RGS17: variants seen among roughly 807,000 people sequenced by gnomAD.
RGS17 encodes regulator of G-protein signaling 17.
Under a neutral mutation model 25.5 loss-of-function variants are expected in RGS17, and 12 were observed. The observed-to-expected ratio is 0.47, with a 90% CI of 0.30 to 0.76. The LOEUF (loss-of-function observed/expected upper bound fraction) is 0.76. Among genes scored for constraint, RGS17 ranks in the 30% least tolerant of loss-of-function variants. The pLI, the probability that RGS17 is intolerant of heterozygous loss-of-function variation, is 0.07. For synonymous variants in RGS17, 71 were observed against 76.9 expected (o/e 0.92, Z 0.40); for missense variants, 196 against 242.2 (o/e 0.81, Z 1.27).
intron 2 of RGS17, among the ~76,000 whole-genome samples, chr6:153,029,109 T>C (rs1442999919): frequency 1.3e-5 from 2 of 152,214 alleles, no homozygotes; most frequent in Non-Finnish European, 2.9e-5. Context: ...CTACAGGTGG[T>C]AAAATATGGA....
intron 1 of RGS17, among the ~76,000 whole-genome samples, chr6:153,121,690 C>T (rs1777634058): frequency 6.6e-6 from 1 of 152,144 alleles, no homozygotes; most frequent in Non-Finnish European, 1.5e-5. Context: ...AAGGTCTTTA[C>T]ATCACAAAGA....
Position 153,058,198 on chromosome 6 carries a change from G to A in RGS17, c.-25-14155C>T, listed in dbSNP as rs529882241. Among the ~76,000 whole-genome samples, 5 of 152,320 alleles carry A rather than the reference G, an allele frequency of 3.3e-5. No homozygotes were observed. In the South Asian group the frequency reaches 1.0e-3, roughly 32 times the overall value. ...GTGGTAGCTCTTTCAAGGTAACACT[G>A]AGGAGAGTTGTTCATAATGTTGCCA... On this transcript the variant is annotated intron_variant, in intron 1 of 4. Coordinates refer to ENST00000206262, the MANE Select transcript of RGS17 (RefSeq NM_012419.5).
At chr6:153,123,440 T>A (rs1033568560) in intron 1 of RGS17, among the ~76,000 whole-genome samples, 3 of 152,188 alleles carry the variant, frequency 2.0e-5, no homozygotes, top group Admixed American at 2.0e-4. Flanking sequence ...CTTAGATATA[T>A]TAACTATCTA....
intron 1 of RGS17, among the ~76,000 whole-genome samples, chr6:153,077,754 T>C (rs1259032538): frequency 6.6e-6 from 1 of 152,210 alleles, no homozygotes; most frequent in Non-Finnish European, 1.5e-5. Context: ...TATGATGAAA[T>C]TAAATTTATT....
At chr6:153,098,224 T>C (rs1777246227) in intron 1 of RGS17, among the ~76,000 whole-genome samples, 1 of 152,066 alleles carries the variant, frequency 6.6e-6, no homozygotes, top group Non-Finnish European at 1.5e-5. Flanking sequence ...TTTCAGGTAT[T>C]GGAGTATGGA....
intron 1 of RGS17, among the ~76,000 whole-genome samples, chr6:153,123,983 A>G (rs768470332): frequency 2.6e-5 from 4 of 152,208 alleles, no homozygotes; most frequent in Non-Finnish European, 5.9e-5. Flanking sequence ...TTCTGATACT[A>G]TGGTGGAGGT....
At position 153,024,494 on chromosome 6, in the gene RGS17, T is replaced by C. The variant is rs1475176825; in HGVS notation, c.212A>G (p.Gln71Arg). Residue 71 changes from glutamine (Q) to arginine (R), a missense_variant and splice_region_variant, in exon 4 of 5, where the codon CAA becomes CGA. Around this residue, in one of 2 missense-constraint regions of RGS17, gnomAD observed 179 missense variants for 197.6 expected, o/e 0.91. Coordinates refer to ENST00000206262, the MANE Select transcript of RGS17 (RefSeq NM_012419.5). Reference sequence around the variant, plus strand: ...CAAGACTTCCTCTGCAGTGGGGTTTTGGCTGCAGAGACAGAACGGGGCCGT... The same window carrying C: ...CAAGACTTCCTCTGCAGTGGGGTTTCGGCTGCAGAGACAGAACGGGGCCGT... ...MESIQVLEEC[Q>R]NPTAEEVLSW... 1.9e-6 allele frequency: 3 copies of C among 1,612,066 alleles called. No homozygotes were observed. Among genetic ancestry groups the C allele is most frequent in the Non-Finnish European group, 1.7e-6 (2 of 1,178,152 alleles).
rs540500631 is a variant in RGS17 at position 153,092,561 on chromosome 6, A to G, written c.-26+38563T>C. The stretch of plus-strand genomic sequence containing the variant: ...TCTTTACTCATTCTGCCTTTTGGAT[A>G]AAACATGTACAATTATATATGGCTT... On this transcript the variant is annotated intron_variant, in intron 1 of 4. Transcript: ENST00000206262. Among the ~76,000 whole-genome samples the G allele has an allele frequency of 5.3e-4, 81 of 152,312 alleles. 1 individual carries two copies. Among genetic ancestry groups the G allele is most frequent in the African/African-American group, 1.9e-3 (77 of 41,566 alleles).
intron 1 of RGS17, among the ~76,000 whole-genome samples, chr6:153,107,602 T>A (rs1219405332): frequency 6.6e-6 from 1 of 152,142 alleles, no homozygotes; most frequent in Non-Finnish European, 1.5e-5. Flanking sequence ...ATCTATTATA[T>A]TGGGGACTAT....
chr6:153,027,613 G>A (rs1469807656), intron 2 of RGS17, among the ~76,000 whole-genome samples: 1 of 152,084 alleles, frequency 6.6e-6, no homozygotes, highest in Admixed American at 6.6e-5. Context: ...GTTATGTGCT[G>A]GGCACCATTC....
intron 2 of RGS17, among the ~76,000 whole-genome samples, chr6:153,030,791 C>CA (rs1346169615): frequency 1.3e-5 from 2 of 152,120 alleles, no homozygotes; most frequent in African/African-American, 2.4e-5. Context: ...CCTGGTTGGA[C>CA]ATAAAAGGTG....
At chr6:153,065,609 G>T (rs182522264) in intron 1 of RGS17, among the ~76,000 whole-genome samples, 2 of 152,140 alleles carry the variant, frequency 1.3e-5, no homozygotes, top group Admixed American at 1.3e-4. Context: ...AATAAAACTA[G>T]AAATCAATAA....
intron 1 of RGS17, among the ~76,000 whole-genome samples, chr6:153,069,613 A>G (rs557470012): frequency 2.0e-4 from 30 of 152,308 alleles, no homozygotes; most frequent in African/African-American, 7.2e-4. Flanking sequence ...CTAAAAGAGT[A>G]TAATTGGATA....
At chr6:153,116,226 GA>G (rs1194898937) in intron 1 of RGS17, among the ~76,000 whole-genome samples, 1 of 152,004 alleles carries the variant, frequency 6.6e-6, no homozygotes, top group Non-Finnish European at 1.5e-5. Context: ...AAATTTACAA[GA>G]AAAAAGCAAA....
intron 1 of RGS17, among the ~76,000 whole-genome samples, chr6:153,103,778 T>C (rs933702217): frequency 2.0e-5 from 3 of 152,222 alleles, no homozygotes; most frequent in African/African-American, 7.2e-5. Context: ...GAATGGCTAT[T>C]AAACGTTTTA....
intron 4 of RGS17, among the ~76,000 whole-genome samples, chr6:153,014,771 C>A (rs1779166319): frequency 6.7e-6 from 1 of 148,212 alleles, no homozygotes; most frequent in Admixed American, 6.8e-5. Flanking sequence ...GCACTCCAGA[C>A]TGGGCTACAG....
rs1355054848 is a variant in RGS17 at position 153,007,761 on chromosome 6, T to C, written c.*3813A>G. 1.3e-5 allele frequency: 2 copies of C among 152,100 alleles called. No homozygotes were observed. The highest frequency in any genetic ancestry group is 1.3e-4 in the Admixed American group (2 of 15,262). The allele number at this position is 152,100 out of a possible 1,614,324, so 9.4% of individuals were successfully genotyped here. ...CACCCACCACCATGCCCGGCTAATT[T>C]TGTATTTTTACTAGAGTCGGGGTTT... On this transcript the variant is annotated 3_prime_UTR_variant, in exon 5 of 5. Transcript: ENST00000206262.
At chr6:153,035,046 C>A (rs1010508150) in intron 2 of RGS17, among the ~76,000 whole-genome samples, 1 of 151,462 alleles carries the variant, frequency 6.6e-6, no homozygotes, top group Non-Finnish European at 1.5e-5. Context: ...CCCAGCTACT[C>A]GGGAGGCTGA....
chr6:153,099,574 C>T (rs1405263677), intron 1 of RGS17, among the ~76,000 whole-genome samples: 1 of 152,064 alleles, frequency 6.6e-6, no homozygotes, highest in Non-Finnish European at 1.5e-5. Flanking sequence ...AAGTTTCTCC[C>T]TTGCTGGAAT....
Sources: allele counts gnomAD v4.1 joint callset (sites outside exome capture counted in the v4.1 genomes callset), GRCh38; gene constraint gnomAD v4.1.1; regional missense constraint gnomAD v4.1.1; transcripts MANE v1.5; gene names NCBI Gene and HGNC (gene_info 2026-07-23, HGNC 2026-07-21).